Variants in GPLD1 observed in about 807,000 individuals in gnomAD.
The protein encoded by GPLD1 is phosphatidylinositol-glycan-specific phospholipase D.
Under a neutral mutation model 112.6 loss-of-function variants are expected in GPLD1, and 84 were observed. That is an observed-to-expected ratio of 0.75 (90% CI 0.63 to 0.89). The LOEUF (loss-of-function observed/expected upper bound fraction) is 0.89, where lower values mean the gene tolerates loss of function less well. Among genes scored for constraint, GPLD1 ranks in the 40% least tolerant of loss-of-function variants. The probability of loss-of-function intolerance (pLI) is 0.00; values close to 1 mark genes in which losing one functional copy is unlikely to be tolerated. For synonymous variants in GPLD1, 386 were observed against 403.8 expected, an observed-to-expected ratio of 0.96 and a Z score of 0.53; for missense variants, 1,044 against 1,051.5, an observed-to-expected ratio of 0.99 and a Z score of 0.10.
chr6:24,442,696 A>G (rs9467163), intron 20 of GPLD1, among the ~76,000 whole-genome samples: 9,114 of 151,696 alleles, frequency 0.06, 633 homozygotes, highest in African/African-American at 0.17. Context: ...CACCCACCTC[A>G]GCCTCCCAAA....
In GPLD1 at chr6:24,427,845, C is replaced by CCA. The variant is rs1762285411; in HGVS notation, c.*1186_*1187insTG. ...TGGGCAACAGAGCAAGACTCCGTCTCAAAAAAAAAAAAAAAAAAAAAGGAC... is the reference window on the plus strand; with the variant it reads ...TGGGCAACAGAGCAAGACTCCGTCTCCAAAAAAAAAAAAAAAAAAAAAAGGAC... On this transcript the variant is annotated 3_prime_UTR_variant, in exon 25 of 25. Transcript: ENST00000230036. 1.1e-5 allele frequency among the ~76,000 whole-genome samples: 1 copy of CCA among 87,634 alleles called. No homozygotes were observed. Among genetic ancestry groups the CCA allele is most frequent in the South Asian group, 4.2e-4 (1 of 2,384 alleles). The allele number at this position is 87,634 out of a possible 152,430, so 57.5% of individuals were successfully genotyped here.
chr6:24,440,400 C>T (rs1762707252), intron 20 of GPLD1, among the ~76,000 whole-genome samples: 1 of 152,026 alleles, frequency 6.6e-6, no homozygotes, highest in Admixed American at 6.6e-5. Flanking sequence ...GCTGTGATCA[C>T]ACCATTGAAC....
At chr6:24,489,301 C>T in intron 1 of GPLD1, 114 bp downstream of exon 1, 1 of 775,000 alleles carries the variant, frequency 1.3e-6, no homozygotes, top group South Asian at 1.7e-5. Context: ...GGCCACTCAG[C>T]TCAGTGCCCA....
In GPLD1 at chr6:24,437,209, C is replaced by T. The variant is rs565249214; in HGVS notation, c.2101G>A (p.Ala701Thr). 55 of 1,614,132 alleles carry T rather than the reference C, an allele frequency of 3.4e-5. No individual in the cohort carries two copies. The East Asian group carries it at 9.4e-4, about 27-fold the overall frequency. ...ATRMYALTSD[A>T]QPLLLSTFSG... ...AAGGTGCTGAGCAGCAGAGGCTGCG[C>T]GTCAGATGTGAGTGCGTACATGCGA... Residue 701 changes from alanine to threonine, a missense_variant, in exon 21 of 25, where the codon GCG becomes ACG. Coordinates refer to ENST00000230036, the MANE Select transcript of GPLD1 (RefSeq NM_001503.4).
chr6:24,473,608 A>G lies in GPLD1; in HGVS notation c.490+11T>C. On this transcript the variant is annotated intron_variant, in intron 6 of 24. Transcript: ENST00000230036. ...CCACGAGAAAATTTAGCAAATGTAA[A>G]TAAACAGTACCAAAATCACCAGCCG... The G allele has an allele frequency of 6.3e-7, 1 of 1,579,896 alleles. No individual in the cohort carries two copies. Among genetic ancestry groups the G allele is most frequent in the Non-Finnish European group, 8.7e-7 (1 of 1,149,214 alleles).
At chr6:24,429,944 G>A (rs1434902628) in intron 24 of GPLD1, among the ~76,000 whole-genome samples, 1 of 152,244 alleles carries the variant, frequency 6.6e-6, no homozygotes, top group Non-Finnish European at 1.5e-5. Flanking sequence ...GCTGGCACAT[G>A]AGGTACGGGT....
chr6:24,475,787 G>A (rs1371651455), intron 4 of GPLD1, among the ~76,000 whole-genome samples: 1 of 151,860 alleles, frequency 6.6e-6, no homozygotes. Flanking sequence ...GAACCCGGGA[G>A]GTGGAGCTTG....
intron 24 of GPLD1, among the ~76,000 whole-genome samples, chr6:24,432,733 G>A (rs1051913281): frequency 7.2e-5 from 11 of 152,338 alleles, no homozygotes; most frequent in African/African-American, 2.4e-4. Flanking sequence ...TAGGCTTTGT[G>A]GGGCATCAGT....
chr6:24,434,837 C>CAAAAAAAAAAA (rs747085341), intron 22 of GPLD1, among the ~76,000 whole-genome samples: 38 of 65,464 alleles, frequency 5.8e-4, no homozygotes, highest in African/African-American at 1.8e-3. Context: ...GACTCCGTCT[C>CAAAAAAAAAAA]AAAAAAAAAA....
At chr6:24,458,106 C>G (rs1022608212) in intron 12 of GPLD1, among the ~76,000 whole-genome samples, 2 of 151,078 alleles carry the variant, frequency 1.3e-5, no homozygotes, top group South Asian at 2.1e-4. Flanking sequence ...CTAGATCCAT[C>G]CAAGTTAAGG....
At chr6:24,452,039 A>C (rs1176712786) in intron 14 of GPLD1, among the ~76,000 whole-genome samples, 1 of 152,000 alleles carries the variant, frequency 6.6e-6, no homozygotes, top group Non-Finnish European at 1.5e-5. Flanking sequence ...GGACACAGAG[A>C]TGCTCACTGC....
At chr6:24,438,760 T>C (rs1009506609) in intron 20 of GPLD1, among the ~76,000 whole-genome samples, 1 of 151,420 alleles carries the variant, frequency 6.6e-6, no homozygotes, top group African/African-American at 2.4e-5. Context: ...TCAAGAAAAG[T>C]TGAAATAAGA....
rs72112585 is a variant in GPLD1, at chr6:24,427,845, C to CAAAAAA, written c.*1181_*1186dup. ...TGGGCAACAGAGCAAGACTCCGTCT[C>CAAAAAA]AAAAAAAAAAAAAAAAAAAAAGGAC... On this transcript the variant is annotated 3_prime_UTR_variant, in exon 25 of 25. Transcript: ENST00000230036. Among the ~76,000 whole-genome samples, 213 of 87,544 alleles carry CAAAAAA rather than the reference C, an allele frequency of 2.4e-3. 10 individuals are homozygous for CAAAAAA. Among genetic ancestry groups the CAAAAAA allele is most frequent in the African/African-American group, 0.01 (187 of 18,630 alleles). 57.4% of individuals were successfully genotyped at this position (87,544 alleles called of 152,430 possible).
Position 24,426,704 on chromosome 6 carries a change from A to G in GPLD1, c.*2328T>C, listed in dbSNP as rs910569900. On this transcript the variant is annotated 3_prime_UTR_variant, in exon 25 of 25. Transcript: ENST00000230036. ...CCTTTACTCAAGTGTCAGATGTCAG[A>G]GTGCTCTAACTGCTCAACTCATAAG... 4.4e-5 allele frequency among the ~76,000 whole-genome samples: 1 copy of G among 22,538 alleles called. No homozygotes were observed. The highest frequency in any genetic ancestry group is 2.1e-4 in the Non-Finnish European group (1 of 4,866). 14.8% of individuals were successfully genotyped at this position (22,538 alleles called of 152,430 possible).
chr6:24,481,716 G>C (rs147237179), intron 2 of GPLD1, among the ~76,000 whole-genome samples: 119 of 152,280 alleles, frequency 7.8e-4, no homozygotes, highest in African/African-American at 2.8e-3. Flanking sequence ...CTCTGACGCT[G>C]AGTGCTAGGC....
chr6:24,485,670 G>C (rs1581791034), intron 2 of GPLD1, among the ~76,000 whole-genome samples: 1 of 141,074 alleles, frequency 7.1e-6, no homozygotes, highest in African/African-American at 2.7e-5. Context: ...TAAATAATGA[G>C]TCTCTTTTTT....
At chr6:24,474,435 G>C (rs1269562253) in intron 5 of GPLD1, among the ~76,000 whole-genome samples, 1 of 152,144 alleles carries the variant, frequency 6.6e-6, no homozygotes, top group African/African-American at 2.4e-5. Context: ...TAAAAAGAGA[G>C]AGAAAAAGTC....
chr6:24,452,171 T>C (rs1299676699), intron 14 of GPLD1, among the ~76,000 whole-genome samples: 5 of 152,154 alleles, frequency 3.3e-5, no homozygotes, highest in Admixed American at 6.5e-5. Flanking sequence ...ACCCAAGTGG[T>C]CTTTGAGAGA....
chr6:24,460,380 C>A lies in GPLD1; in HGVS notation c.907G>T (p.Asp303Tyr), dbSNP rs759167479. 1.2e-6 allele frequency: 2 copies of A among 1,613,690 alleles called. No homozygotes were observed. Among genetic ancestry groups the A allele is most frequent in the Non-Finnish European group, 1.7e-6 (2 of 1,179,814 alleles). Residue 303 changes from aspartate to tyrosine, a missense_variant, in exon 12 of 25, where the codon GAT (aspartate) becomes TAT (tyrosine). By Grantham distance (160) the Asp-to-Tyr change is radical. Transcript: ENST00000230036. ...GATGTAGTCAAATTTCTGTGAAAAT[C>A]ATTTTTCTGCATTTTTGAGCTGTTG... ...HTQGSKMQKNDFHRNLTTSLT... is the reference protein window; with the variant it reads ...HTQGSKMQKNYFHRNLTTSLT...
Sources: gnomAD v4.1 joint callset for allele counts (sites outside exome capture counted in the v4.1 genomes callset) on GRCh38, gnomAD v4.1.1 for gene constraint, MANE v1.5 for transcripts, NCBI Gene and HGNC (gene_info 2026-07-23, HGNC 2026-07-21) for gene names.